The following ANP32B variants were observed in gnomAD, a reference collection of about 807,000 sequenced individuals.
ANP32B encodes the protein acidic nuclear phosphoprotein 32 family member B.
ANP32B carries 6 observed loss-of-function variants against 32.2 expected under a neutral mutation model. The ratio of observed to expected loss-of-function variants is 0.19; its 90% confidence interval spans 0.10 to 0.37. The LOEUF is 0.37. Ranked by LOEUF, ANP32B falls within the 10% of genes least tolerant of loss-of-function variation. The probability of loss-of-function intolerance (pLI) is 1.00; values close to 1 mark genes in which losing one functional copy is unlikely to be tolerated. For missense variants in ANP32B, 204 were observed against 289.2 expected (o/e 0.71, Z 2.14); for synonymous variants, 98 against 105.8 (o/e 0.93, Z 0.45).
chr9:97,993,587 A>G (rs1827861978), intron 1 of ANP32B, among the ~76,000 whole-genome samples: 1 of 152,210 alleles, frequency 6.6e-6, no homozygotes, highest in African/African-American at 2.4e-5. Flanking sequence ...ATTGTGGTGG[A>G]TCTGCATGTA....
chr9:97,999,697 GTACT>G (rs146890747), intron 3 of ANP32B, among the ~76,000 whole-genome samples: 105 of 152,304 alleles, frequency 6.9e-4, no homozygotes, highest in African/African-American at 2.2e-3. Flanking sequence ...ATAAGATAAT[GTACT>G]TACTTTGCTT....
In ANP32B at chr9:98,005,053, G is replaced by A; in HGVS notation, c.417G>A (p.Leu139=). ...ACCGAGAGAGTGTCTTCAAGCTCCT[G>A]CCCCAGCTTACCTACTTGGATGGCT... The part of the protein sequence containing the change: ...NDYRESVFKL[L]PQLTYLDGYD... The change falls in exon 4 of 7, where the codon CTG becomes CTA. Residue 139 remains leucine, a synonymous_variant. Coordinates refer to ENST00000339399, the MANE Select transcript of ANP32B (RefSeq NM_006401.3). 6.2e-7 allele frequency: 1 copy of A among 1,614,022 alleles called. No individual in the cohort carries two copies. Among genetic ancestry groups the A allele is most frequent in the East Asian group, 2.2e-5 (1 of 44,868 alleles).
chr9:97,992,239 G>A (rs567822679), intron 1 of ANP32B, among the ~76,000 whole-genome samples: 30 of 152,128 alleles, frequency 2.0e-4, no homozygotes, highest in Non-Finnish European at 3.5e-4. Context: ...ACAGGCACAC[G>A]CCACCATGCC....
intron 4 of ANP32B, among the ~76,000 whole-genome samples, chr9:98,009,965 T>G (rs1828151953): frequency 6.6e-6 from 1 of 152,228 alleles, no homozygotes; most frequent in African/African-American, 2.4e-5. Context: ...GACATCTCAC[T>G]TATTTCCAAA....
intron 3 of ANP32B, among the ~76,000 whole-genome samples, chr9:97,999,913 A>C (rs571401300): frequency 2.0e-5 from 3 of 152,298 alleles, no homozygotes; most frequent in Admixed American, 2.0e-4. Context: ...AGAGGGTAAG[A>C]CATTTCTTCT....
intron 3 of ANP32B, among the ~76,000 whole-genome samples, chr9:98,001,694 C>T (rs1452369311): frequency 1.3e-5 from 2 of 152,072 alleles, no homozygotes; most frequent in African/African-American, 4.8e-5. Flanking sequence ...CTGATCTGGT[C>T]AGTAATGTAT....
At position 98,015,451 on chromosome 9, in the gene ANP32B, A is replaced by C; in HGVS notation, c.*20A>C. 2 of 1,549,420 alleles carry C rather than the reference A, an allele frequency of 1.3e-6. No homozygotes were observed. The highest frequency in any genetic ancestry group is 4.9e-5 in the East Asian group (2 of 40,886). On this transcript the variant is annotated 3_prime_UTR_variant, in exon 7 of 7. Coordinates refer to ENST00000339399, the MANE Select transcript of ANP32B (RefSeq NM_006401.3). ...GATTAAGACCCCAGATGACCTGCAG[A>C]AACAGAACTGTTCAGTATTGGTTGG...
At chr9:97,991,189 C>T (rs1057485858) in intron 1 of ANP32B, among the ~76,000 whole-genome samples, 10 of 151,682 alleles carry the variant, frequency 6.6e-5, no homozygotes, top group Non-Finnish European at 7.4e-5. Flanking sequence ...GATAATGGCT[C>T]ACTGCAACCT....
intron 3 of ANP32B, among the ~76,000 whole-genome samples, chr9:98,004,577 C>G (rs182018591): frequency 1.3e-5 from 2 of 152,240 alleles, no homozygotes; most frequent in African/African-American, 4.8e-5. Flanking sequence ...CATTAAAGAC[C>G]GCTTGATACC....
intron 6 of ANP32B, among the ~76,000 whole-genome samples, chr9:98,012,888 G>A (rs960131784): frequency 6.6e-6 from 1 of 151,940 alleles, no homozygotes; most frequent in Non-Finnish European, 1.5e-5. Context: ...CTGCCACCAC[G>A]CCCAGCTAAT....
intron 2 of ANP32B, among the ~76,000 whole-genome samples, chr9:97,998,278 C>T (rs916541351): frequency 1.1e-4 from 16 of 152,178 alleles, no homozygotes; most frequent in Non-Finnish European, 2.2e-4. Flanking sequence ...GGTTTTGACC[C>T]ACTTTTTAAG....
chr9:98,000,005 G>GT (rs1355655033), intron 3 of ANP32B, among the ~76,000 whole-genome samples: 1 of 152,226 alleles, frequency 6.6e-6, no homozygotes, highest in Non-Finnish European at 1.5e-5. Context: ...GTTGATACTT[G>GT]AGGGGAAGAC....
intron 6 of ANP32B, among the ~76,000 whole-genome samples, chr9:98,013,267 TC>T (rs1474876803): frequency 2.0e-5 from 3 of 152,214 alleles, no homozygotes; most frequent in Non-Finnish European, 4.4e-5. Flanking sequence ...ATTCAAGTGA[TC>T]CACCCACCTC....
intron 1 of ANP32B, among the ~76,000 whole-genome samples, chr9:97,988,486 T>C: frequency 6.6e-6 from 1 of 152,092 alleles, no homozygotes; most frequent in South Asian, 2.1e-4. Flanking sequence ...GCACTTTGGG[T>C]GGCAGAGGAG....
intron 4 of ANP32B, 117 bp from the exon 5 acceptor site, chr9:98,011,149 AAAGTG>A: frequency 7.2e-7 from 1 of 1,397,838 alleles, no homozygotes; most frequent in South Asian, 1.6e-5. Context: ...TAGTAGAAAG[AAAGTG>A]ACTGCAGTTC....
chr9:98,011,176 G>A (rs1452406289), intron 4 of ANP32B, 95 bp from the exon 5 acceptor site: 3 of 1,484,294 alleles, frequency 2.0e-6, no homozygotes, highest in East Asian at 5.0e-5. Flanking sequence ...TGGCCTTACA[G>A]CATTTGTTCT....
intron 1 of ANP32B, among the ~76,000 whole-genome samples, chr9:97,992,180 C>G (rs928757317): frequency 1.3e-5 from 2 of 152,086 alleles, no homozygotes; most frequent in African/African-American, 4.8e-5. Context: ...ACTTCTGCCT[C>G]CCAGGTTCAA....
At chr9:97,992,003 C>T (rs1417582187) in intron 1 of ANP32B, among the ~76,000 whole-genome samples, 1 of 152,200 alleles carries the variant, frequency 6.6e-6, no homozygotes, top group Non-Finnish European at 1.5e-5. Flanking sequence ...CCTCATTCCG[C>T]AGTTATGTAG....
intron 1 of ANP32B, among the ~76,000 whole-genome samples, chr9:97,986,021 C>T (rs1415769741): frequency 6.6e-6 from 1 of 152,036 alleles, no homozygotes; most frequent in Non-Finnish European, 1.5e-5. Flanking sequence ...GGGTTTCTCC[C>T]TGTTGTTCAG....
Sources: allele counts gnomAD v4.1 joint callset (sites outside exome capture counted in the v4.1 genomes callset), GRCh38; gene constraint gnomAD v4.1.1; transcripts MANE v1.5; gene names NCBI Gene and HGNC (gene_info 2026-07-23, HGNC 2026-07-21).